Variants in SPMIP2 observed in about 807,000 individuals in gnomAD.
SPMIP2 encodes sperm microtubule inner protein 2.
At chr4:158,989,867 C>T in the SPMIP2 span, among the ~76,000 whole-genome samples, 1 of 152,070 alleles carries the variant, frequency 6.6e-6, no homozygotes, top group African/African-American at 2.4e-5. Flanking sequence ...GCAACAAAAG[C>T]CAAAATTGAC....
the SPMIP2 span, among the ~76,000 whole-genome samples, chr4:158,929,256 A>C: frequency 6.6e-6 from 1 of 152,222 alleles, no homozygotes. Flanking sequence ...GGCCCCAAGC[A>C]GTCTTCCTGC....
chr4:159,041,577 C>T, the SPMIP2 span, among the ~76,000 whole-genome samples: 1 of 152,154 alleles, frequency 6.6e-6, no homozygotes, highest in African/African-American at 2.4e-5. Context: ...ACCACCACAA[C>T]CAAAAAACCC....
the SPMIP2 span, among the ~76,000 whole-genome samples, chr4:159,032,166 G>A: frequency 2.0e-5 from 3 of 152,050 alleles, no homozygotes; most frequent in Non-Finnish European, 4.4e-5. Context: ...AGACTGCAGT[G>A]AGCTGAGATC....
chr4:158,902,363 G>A, the SPMIP2 span, among the ~76,000 whole-genome samples: 6 of 152,078 alleles, frequency 3.9e-5, no homozygotes, highest in Admixed American at 1.3e-4. Flanking sequence ...TGGAAGCTTC[G>A]TCCCAGAGGG....
the SPMIP2 span, among the ~76,000 whole-genome samples, chr4:158,977,600 C>CTTTTTTTTTT: frequency 4.6e-3 from 333 of 72,396 alleles, 39 homozygotes; most frequent in East Asian, 0.012. Flanking sequence ...TCCTTCAGTT[C>CTTTTTTTTTT]TTTTTTTTTT....
At chr4:158,895,892 G>T in the SPMIP2 span, 20 of 1,515,362 alleles carry the variant, frequency 1.3e-5, no homozygotes, top group South Asian at 2.3e-4. Context: ...GCCGTCACTT[G>T]TCCCTTTGAT....
chr4:159,039,129 GT>G, the SPMIP2 span, among the ~76,000 whole-genome samples: 3 of 152,038 alleles, frequency 2.0e-5, no homozygotes, highest in Admixed American at 1.3e-4. Context: ...ACAGGAGATG[GT>G]GTCTCACCAT....
the SPMIP2 span, among the ~76,000 whole-genome samples, chr4:158,978,075 T>C: frequency 6.6e-6 from 1 of 152,240 alleles, no homozygotes; most frequent in Non-Finnish European, 1.5e-5. Flanking sequence ...AGTTTCCCTC[T>C]AAACACTGCT....
the SPMIP2 span, among the ~76,000 whole-genome samples, chr4:158,894,714 T>A: frequency 1.6e-4 from 24 of 152,174 alleles, no homozygotes. Flanking sequence ...TACCACCTTG[T>A]TTACTTGGAG....
the SPMIP2 span, among the ~76,000 whole-genome samples, chr4:159,061,503 T>A: frequency 6.6e-6 from 1 of 151,858 alleles, no homozygotes; most frequent in African/African-American, 2.4e-5. Flanking sequence ...TGTAAAGAAG[T>A]GAACACTTAA....
chr4:158,919,307 G>A, the SPMIP2 span, among the ~76,000 whole-genome samples: 1 of 152,174 alleles, frequency 6.6e-6, no homozygotes, highest in South Asian at 2.1e-4. Context: ...TTTTGCAAAA[G>A]AATCCAGTTC....
the SPMIP2 span, among the ~76,000 whole-genome samples, chr4:159,029,974 A>G: frequency 6.6e-6 from 1 of 152,250 alleles, no homozygotes; most frequent in East Asian, 1.9e-4. Flanking sequence ...ATAGAAAAAT[A>G]AGACTTGATG....
the SPMIP2 span, among the ~76,000 whole-genome samples, chr4:159,002,766 G>GCACACACACACACACA: frequency 3.4e-4 from 51 of 148,186 alleles, no homozygotes; most frequent in Non-Finnish European, 6.8e-4. Flanking sequence ...ACATATCACT[G>GCACACACACACACACA]CACACACACA....
At chr4:159,039,885 G>A in the SPMIP2 span, among the ~76,000 whole-genome samples, 8 of 152,166 alleles carry the variant, frequency 5.3e-5, no homozygotes, top group Admixed American at 5.2e-4. Context: ...AAAGTATCTT[G>A]TTTTAACATT....
chr4:158,952,520 T>A, the SPMIP2 span, among the ~76,000 whole-genome samples: 2 of 152,216 alleles, frequency 1.3e-5, no homozygotes, highest in Non-Finnish European at 2.9e-5. Flanking sequence ...CAGTCTCAAG[T>A]GTGTCTTTAT....
chr4:158,924,023 A>T, the SPMIP2 span, among the ~76,000 whole-genome samples: 1 of 152,300 alleles, frequency 6.6e-6, no homozygotes, highest in Non-Finnish European at 1.5e-5. Context: ...TGTCCTTATA[A>T]GAAGAGAAAG....
At chr4:158,910,200 T>A in the SPMIP2 span, among the ~76,000 whole-genome samples, 1 of 151,156 alleles carries the variant, frequency 6.6e-6, no homozygotes, top group Non-Finnish European at 1.5e-5. Flanking sequence ...TAATGTTATG[T>A]GTCATCTTGG....
the SPMIP2 span, among the ~76,000 whole-genome samples, chr4:158,938,057 A>G: frequency 6.6e-6 from 1 of 152,238 alleles, no homozygotes; most frequent in African/African-American, 2.4e-5. Context: ...TCTATGGACA[A>G]AACTATTTTG....
the SPMIP2 span, among the ~76,000 whole-genome samples, chr4:159,046,605 C>T: frequency 6.6e-6 from 1 of 152,178 alleles, no homozygotes; most frequent in Non-Finnish European, 1.5e-5. Flanking sequence ...CAGAGTCTTG[C>T]TCTGTTGCCC....
Sources: allele counts gnomAD v4.1 joint callset (sites outside exome capture counted in the v4.1 genomes callset), GRCh38; gene constraint gnomAD v4.1.1; transcripts MANE v1.5; gene names NCBI Gene and HGNC (gene_info 2026-07-23, HGNC 2026-07-21).